MTF1: variants seen among roughly 807,000 people sequenced by gnomAD.
The protein encoded by MTF1 is MRE-binding transcription factor.
A neutral mutation model predicts 70.4 loss-of-function variants in MTF1; 22 were observed. The observed-to-expected ratio is 0.31, with a 90% CI of 0.22 to 0.45. MTF1 has a LOEUF of 0.45. Ranked by LOEUF, MTF1 falls within the 20% of genes least tolerant of loss-of-function variation. The pLI, the probability that MTF1 is intolerant of heterozygous loss-of-function variation, is 1.00. For synonymous variants in MTF1, 333 were observed against 352.8 expected, an observed-to-expected ratio of 0.94 and a Z score of 0.63; for missense variants, 649 against 922.0, an observed-to-expected ratio of 0.70 and a Z score of 3.83.
In MTF1 at chr1:37,814,779, G is replaced by A. The variant is rs1171982448; in HGVS notation, c.*357C>T. 4.5e-6 allele frequency: 1 copy of A among 224,358 alleles called. No homozygotes were observed. Among genetic ancestry groups the A allele is most frequent in the African/African-American group, 2.3e-5 (1 of 43,058 alleles). The allele number at this position is 224,358 out of a possible 1,614,324, so 13.9% of individuals were successfully genotyped here. ...GATCCACAAAGACCCCAGTGCAAGC[G>A]ATGGGCAGCATCAGATTGATGGAAA... On this transcript the variant is annotated 3_prime_UTR_variant, in exon 11 of 11. Coordinates refer to ENST00000373036, the MANE Select transcript of MTF1 (RefSeq NM_005955.3).
At chr1:37,845,528 T>C (rs1460207592) in intron 2 of MTF1, among the ~76,000 whole-genome samples, 2 of 152,172 alleles carry the variant, frequency 1.3e-5, no homozygotes, top group African/African-American at 2.4e-5. Flanking sequence ...ACTGATTGAA[T>C]AGATGGAGTT....
chr1:37,833,483 C>T (rs185115753), intron 6 of MTF1, among the ~76,000 whole-genome samples: 1 of 152,294 alleles, frequency 6.6e-6, no homozygotes, highest in Admixed American at 6.5e-5. Flanking sequence ...ACAATTCACA[C>T]TTTAGGTGGT....
intron 7 of MTF1, among the ~76,000 whole-genome samples, chr1:37,831,626 G>C (rs1250477390): frequency 6.6e-6 from 1 of 152,162 alleles, no homozygotes; most frequent in Non-Finnish European, 1.5e-5. Flanking sequence ...GGAGCCATGG[G>C]AATGGCAGTC....
intron 7 of MTF1, among the ~76,000 whole-genome samples, chr1:37,829,523 C>T (rs1465869918): frequency 2.0e-5 from 3 of 151,972 alleles, no homozygotes; most frequent in African/African-American, 7.2e-5. Context: ...TGGCTCACAC[C>T]TGTAATCCCA....
intron 2 of MTF1, among the ~76,000 whole-genome samples, chr1:37,847,303 C>G (rs1425567587): frequency 2.0e-5 from 3 of 152,154 alleles, no homozygotes; most frequent in Non-Finnish European, 4.4e-5. Context: ...CCAGAAAGTC[C>G]TCAGTTCAAA....
Position 37,832,265 on chromosome 1 carries a change from A to G in MTF1, c.1048T>C (p.Leu350=). ...CTTACCGTACTGGAATTTTCTCGCA[A>G]TTCAGAATCTGTGGACAGAAGGCTC... ...DLSLLSTDSE[L]RENSSTTQGQ... The change falls in exon 7 of 11, where the codon TTG becomes CTG. Residue 350 remains leucine (L), a synonymous_variant. Transcript: ENST00000373036. 1 of 1,613,110 alleles carries G rather than the reference A, an allele frequency of 6.2e-7. No individual in the cohort carries two copies. Among genetic ancestry groups the G allele is most frequent in the Non-Finnish European group, 8.5e-7 (1 of 1,179,256 alleles).
rs71573764 is a variant in MTF1 at position 37,827,336 on chromosome 1, G to GTTATTATTA, written c.1069-3533_1069-3525dup. Among the ~76,000 whole-genome samples the GTTATTATTA allele has an allele frequency of 9.0e-3, 1,297 of 144,080 alleles. 16 individuals are homozygous for GTTATTATTA. The highest frequency in any genetic ancestry group is 0.028 in the African/African-American group (1,075 of 38,952). 94.5% of individuals were successfully genotyped at this position (144,080 alleles called of 152,430 possible). On this transcript the variant is annotated intron_variant, in intron 7 of 10. Transcript: ENST00000373036. ...TAAGCTTTGCAACCTCCTCATAGTT[G>GTTATTATTA]TTATTATTATTATTATTATTATTAT...
rs991828955 is a variant in MTF1, at chr1:37,857,473, A to T, written c.186T>A (p.Asp62Glu). ...EQDPGTLEDE[D>E]DDGQCGEHLP... ...AGTGTTCTCCGCACTGTCCGTCGTCATCTTCATCCTCCAAAGTGCCAGGGT... is the reference window on the plus strand; with the variant it reads ...AGTGTTCTCCGCACTGTCCGTCGTCTTCTTCATCCTCCAAAGTGCCAGGGT... The change falls in exon 2 of 11, where the codon GAT becomes GAA. Residue 62 changes from aspartate (D) to glutamate (E), a missense_variant. Transcript: ENST00000373036. 6.2e-7 allele frequency: 1 copy of T among 1,614,204 alleles called. No individual in the cohort carries two copies. Among genetic ancestry groups the T allele is most frequent in the African/African-American group, 1.3e-5 (1 of 75,050 alleles).
intron 2 of MTF1, among the ~76,000 whole-genome samples, chr1:37,847,982 AAC>A (rs1641359038): frequency 6.6e-6 from 1 of 152,278 alleles, no homozygotes; most frequent in Admixed American, 6.5e-5. Context: ...AAATGAATAA[AAC>A]ACAGTTATAA....
intron 4 of MTF1, 99 bp downstream of exon 4, chr1:37,838,526 A>G: frequency 9.9e-7 from 1 of 1,014,306 alleles, no homozygotes; most frequent in Non-Finnish European, 1.4e-6. Flanking sequence ...ATCAAGAGCT[A>G]GTAAAGGGAG....
At chr1:37,823,433 C>T (rs1301650398) in intron 8 of MTF1, among the ~76,000 whole-genome samples, 1 of 97,332 alleles carries the variant, frequency 1.0e-5, no homozygotes, top group Non-Finnish European at 2.3e-5. Context: ...CAAAATGAGA[C>T]GCTGTCTCAA....
chr1:37,812,155 T>C lies in MTF1; in HGVS notation c.*2981A>G, dbSNP rs1640749121. ...GGAAAAAGGCTTGATTTTTACCTGCTAGAATTCTACAAATCCTCCCTAACC... is the reference window on the plus strand; with the variant it reads ...GGAAAAAGGCTTGATTTTTACCTGCCAGAATTCTACAAATCCTCCCTAACC... On this transcript the variant is annotated 3_prime_UTR_variant, in exon 11 of 11. Coordinates refer to ENST00000373036, the MANE Select transcript of MTF1 (RefSeq NM_005955.3). The C allele has an allele frequency of 6.6e-6, 1 of 152,322 alleles. No individual in the cohort carries two copies. The highest frequency in any genetic ancestry group is 1.5e-5 in the Non-Finnish European group (1 of 68,022). The allele number at this position is 152,322 out of a possible 1,614,324, so 9.4% of individuals were successfully genotyped here.
At chr1:37,827,333 GTTGTTATTATTA>G (rs1641017314) in intron 7 of MTF1, among the ~76,000 whole-genome samples, 1 of 132,128 alleles carries the variant, frequency 7.6e-6, no homozygotes, top group African/African-American at 2.9e-5. Flanking sequence ...CCTCCTCATA[GTTGTTATTATTA>G]TTATTATTAT....
At chr1:37,832,646 T>C (rs1641106587) in intron 6 of MTF1, among the ~76,000 whole-genome samples, 1 of 152,212 alleles carries the variant, frequency 6.6e-6, no homozygotes, top group Non-Finnish European at 1.5e-5. Context: ...ACCCCGTGAA[T>C]TAGTTAATTT....
intron 4 of MTF1, among the ~76,000 whole-genome samples, chr1:37,836,232 G>C (rs947378004): frequency 1.3e-5 from 2 of 152,178 alleles, no homozygotes; most frequent in African/African-American, 2.4e-5. Flanking sequence ...GGATCAGAGA[G>C]AACTGAGAGC....
At chr1:37,848,635 T>C (rs564985233) in intron 2 of MTF1, among the ~76,000 whole-genome samples, 9 of 152,314 alleles carry the variant, frequency 5.9e-5, no homozygotes, top group African/African-American at 2.2e-4. Flanking sequence ...AAAACCAGTC[T>C]AGTCCCTTTT....
intron 2 of MTF1, among the ~76,000 whole-genome samples, chr1:37,844,521 G>A (rs1421337689): frequency 6.6e-6 from 1 of 152,058 alleles, no homozygotes; most frequent in African/African-American, 2.4e-5. Flanking sequence ...TTCCCATCAA[G>A]ACTAAAAACC....
In MTF1 at chr1:37,813,610, A is replaced by T. The variant is rs1367879384; in HGVS notation, c.*1526T>A. 1 of 152,282 alleles carries T rather than the reference A, an allele frequency of 6.6e-6. No individual in the cohort carries two copies. Among genetic ancestry groups the T allele is most frequent in the African/African-American group, 2.4e-5 (1 of 41,478 alleles). 9.4% of individuals were successfully genotyped at this position (152,282 alleles called of 1,614,324 possible). ...CCTGACACTGTTGGCTTAGAAGAGCAGCCTTGTTTGTGGAACACCACTCCT... is the reference window on the plus strand; with the variant it reads ...CCTGACACTGTTGGCTTAGAAGAGCTGCCTTGTTTGTGGAACACCACTCCT... On this transcript the variant is annotated 3_prime_UTR_variant, in exon 11 of 11. Coordinates refer to ENST00000373036, the MANE Select transcript of MTF1 (RefSeq NM_005955.3).
intron 2 of MTF1, among the ~76,000 whole-genome samples, chr1:37,850,373 G>A (rs1641398028): frequency 6.6e-6 from 1 of 152,086 alleles, no homozygotes; most frequent in South Asian, 2.1e-4. Flanking sequence ...CGAGGCAGGA[G>A]GATTGCTTGA....
Sources: allele counts gnomAD v4.1 joint callset (sites outside exome capture counted in the v4.1 genomes callset), GRCh38; gene constraint gnomAD v4.1.1; transcripts MANE v1.5; gene names NCBI Gene and HGNC (gene_info 2026-07-23, HGNC 2026-07-21).